The following CSMD3 variants were observed in gnomAD, a reference collection of about 807,000 sequenced individuals.
CSMD3 encodes the protein CUB and sushi domain-containing protein 3.
CSMD3 carries 177 observed loss-of-function variants against 435.2 expected under a neutral mutation model. That is an observed-to-expected ratio of 0.41 (90% CI 0.36 to 0.46). The LOEUF (loss-of-function observed/expected upper bound fraction) is 0.46, where lower values mean the gene tolerates loss of function less well. CSMD3 is among the 20% of genes least tolerant of loss of function. CSMD3 has a pLI of 0.34. For synonymous variants in CSMD3, 1,656 were observed against 1,520.5 expected (o/e 1.09, Z -2.07); for missense variants, 4,265 against 4,504.6 (o/e 0.95, Z 1.52).
At chr8:113,294,161 A>C (rs979196936) in intron 2 of CSMD3, among the ~76,000 whole-genome samples, 2 of 152,048 alleles carry the variant, frequency 1.3e-5, no homozygotes, top group African/African-American at 4.8e-5. Context: ...ATTTTAGCTA[A>C]TTAGGAACAT....
chr8:113,248,480 TATATACATATATATACACAC>T, intron 3 of CSMD3, among the ~76,000 whole-genome samples: 1 of 135,496 alleles, frequency 7.4e-6, no homozygotes, highest in Admixed American at 7.4e-5. Context: ...TATATATGTA[TATATACATATATATACACAC>T]ACACATATAT....
At chr8:113,364,486 T>C (rs1485087700) in intron 1 of CSMD3, among the ~76,000 whole-genome samples, 1 of 152,132 alleles carries the variant, frequency 6.6e-6, no homozygotes, top group East Asian at 1.9e-4. Flanking sequence ...TACTTCGATT[T>C]CAACAAGTTC....
chr8:112,464,331 A>T (rs1817744767), intron 32 of CSMD3, among the ~76,000 whole-genome samples: 1 of 152,094 alleles, frequency 6.6e-6, no homozygotes, highest in African/African-American at 2.4e-5. Flanking sequence ...AGAGGAAAAC[A>T]CATATGGCAC....
intron 37 of CSMD3, among the ~76,000 whole-genome samples, chr8:112,381,080 T>A (rs1362398763): frequency 6.6e-6 from 1 of 152,176 alleles, no homozygotes; most frequent in Admixed American, 6.5e-5. Flanking sequence ...ATTTTGAACT[T>A]TGCAAAGTAA....
chr8:112,969,194 G>A (rs1357831763), intron 7 of CSMD3, among the ~76,000 whole-genome samples: 2 of 151,804 alleles, frequency 1.3e-5, no homozygotes, highest in African/African-American at 4.8e-5. Context: ...CTGTATGATT[G>A]TTTGCTGTTT....
intron 35 of CSMD3, among the ~76,000 whole-genome samples, chr8:112,392,937 C>T (rs1282560639): frequency 9.6e-5 from 14 of 145,176 alleles, no homozygotes. Context: ...GTGATTATAG[C>T]TCACTGCAGC....
chr8:113,436,935 G>T lies in CSMD3; in HGVS notation c.-81C>A. ...TGTTGTTGGTGCGCGGTCACAGCTC[G>T]GAGTGAATGGTGTTTCTGGGATACC... On this transcript the variant is annotated 5_prime_UTR_variant, in exon 1 of 71. Coordinates refer to ENST00000297405, the MANE Select transcript of CSMD3 (RefSeq NM_198123.2). 1 of 1,468,330 alleles carries T rather than the reference G, an allele frequency of 6.8e-7. No individual in the cohort carries two copies. The highest frequency in any genetic ancestry group is 9.5e-7 in the Non-Finnish European group (1 of 1,051,832). 91.0% of individuals were successfully genotyped at this position (1,468,330 alleles called of 1,614,324 possible).
chr8:112,435,736 C>T (rs762770834), intron 32 of CSMD3, among the ~76,000 whole-genome samples: 9 of 152,104 alleles, frequency 5.9e-5, no homozygotes, highest in Middle Eastern at 3.4e-3. Flanking sequence ...TTCAAGATAA[C>T]TTAAAAAATG....
intron 13 of CSMD3, among the ~76,000 whole-genome samples, chr8:112,770,087 G>A (rs1205429356): frequency 3.3e-5 from 5 of 151,948 alleles, no homozygotes; most frequent in Admixed American, 3.3e-4. Flanking sequence ...GAAATACAAA[G>A]TGGTCTGTCT....
intron 45 of CSMD3, among the ~76,000 whole-genome samples, chr8:112,333,897 T>G (rs1261495135): frequency 6.6e-6 from 1 of 152,170 alleles, no homozygotes; most frequent in Admixed American, 6.5e-5. Context: ...GTACATAATA[T>G]AGTTTGGCAA....
chr8:113,427,249 T>TA (rs2094641042), intron 1 of CSMD3, among the ~76,000 whole-genome samples: 1 of 151,468 alleles, frequency 6.6e-6, no homozygotes, highest in Non-Finnish European at 1.5e-5. Context: ...TATAATTTAA[T>TA]AAAAACATTT....
chr8:112,889,509 A>C (rs2081716389), intron 10 of CSMD3, among the ~76,000 whole-genome samples: 1 of 151,696 alleles, frequency 6.6e-6, no homozygotes, highest in South Asian at 2.1e-4. Flanking sequence ...TCTAGATCTC[A>C]AGCTGCCCAA....
At chr8:113,318,118 C>T (rs969638748) in intron 1 of CSMD3, among the ~76,000 whole-genome samples, 2 of 152,058 alleles carry the variant, frequency 1.3e-5, no homozygotes, top group Non-Finnish European at 2.9e-5. Context: ...CTTGATACCT[C>T]CCAAGATGGA....
At chr8:112,746,303 A>G (rs2077424292) in intron 13 of CSMD3, among the ~76,000 whole-genome samples, 1 of 152,110 alleles carries the variant, frequency 6.6e-6, no homozygotes, top group African/African-American at 2.4e-5. Context: ...CTTTAAATGG[A>G]AGTAGCTTCC....
At chr8:113,005,123 G>T (rs2086008698) in intron 6 of CSMD3, among the ~76,000 whole-genome samples, 1 of 151,786 alleles carries the variant, frequency 6.6e-6, no homozygotes, top group Non-Finnish European at 1.5e-5. Flanking sequence ...AACAGGGAGA[G>T]AGAGAGGATG....
At chr8:113,216,762 C>T (rs1328842464) in intron 3 of CSMD3, among the ~76,000 whole-genome samples, 2 of 151,918 alleles carry the variant, frequency 1.3e-5, no homozygotes, top group East Asian at 3.9e-4. Context: ...TCCTTTTGAC[C>T]TGAGAAGCTT....
In CSMD3 at chr8:112,720,305, T is replaced by TTTTTC. The variant is rs145646990; in HGVS notation, c.1973-30260_1973-30256dup. Among the ~76,000 whole-genome samples, 443 of 151,398 alleles carry TTTTTC rather than the reference T, an allele frequency of 2.9e-3. 1 individual carries two copies. The highest frequency in any genetic ancestry group is 9.5e-3 in the African/African-American group (389 of 41,106). On this transcript the variant is annotated intron_variant, in intron 13 of 70. Transcript: ENST00000297405. ...CTTTCTGCTTAAAATGCTAGAAATT[T>TTTTTC]TTTTCTTTTCTTTTCTTTTCTTTTT...
rs150810428 is a variant in CSMD3 at position 113,168,627 on chromosome 8, T to A, written c.709+5095A>T. 2.8e-3 allele frequency among the ~76,000 whole-genome samples: 428 copies of A among 150,796 alleles called. 2 individuals are homozygous for A. Among genetic ancestry groups the A allele is most frequent in the African/African-American group, 9.7e-3 (398 of 41,100 alleles). On this transcript the variant is annotated intron_variant, in intron 4 of 70. Coordinates refer to ENST00000297405, the MANE Select transcript of CSMD3 (RefSeq NM_198123.2). ...AAAACTGGGCTTTGTTTTGATTGAG[T>A]ACATAAAATCTTAAAATATATTTTC...
intron 32 of CSMD3, among the ~76,000 whole-genome samples, chr8:112,458,099 TA>T (rs1172349360): frequency 2.6e-5 from 4 of 151,864 alleles, no homozygotes; most frequent in Admixed American, 2.6e-4. Context: ...TTTTCAATAA[TA>T]AAAAAATACA....
Sources: gnomAD v4.1 joint callset for allele counts (sites outside exome capture counted in the v4.1 genomes callset) on GRCh38, gnomAD v4.1.1 for gene constraint, MANE v1.5 for transcripts, NCBI Gene and HGNC (gene_info 2026-07-23, HGNC 2026-07-21) for gene names.